FOCAD: variants seen among roughly 807,000 people sequenced by gnomAD.
FOCAD encodes the protein focadhesin, also known as KIAA1797.
FOCAD carries 198 observed loss-of-function variants against 225.6 expected under a neutral mutation model. The observed-to-expected ratio is 0.88, with a 90% CI of 0.78 to 0.99. The LOEUF (loss-of-function observed/expected upper bound fraction) is 0.99, where lower values mean the gene tolerates loss of function less well. Among genes scored for constraint, FOCAD ranks in the 50% least tolerant of loss-of-function variants. FOCAD has a pLI of 0.00. For synonymous variants in FOCAD, 897 were observed against 755.0 expected (o/e 1.19, Z -3.08); for missense variants, 2,713 against 2,123.6 (o/e 1.28, Z -5.46).
intron 15 of FOCAD, among the ~76,000 whole-genome samples, chr9:20,831,875 C>CT (rs1825528637): frequency 6.6e-6 from 1 of 152,066 alleles, no homozygotes; most frequent in South Asian, 2.1e-4. Flanking sequence ...TACCTCCCTG[C>CT]TTTAGGGAAC....
chr9:20,747,265 A>G (rs766429271), intron 5 of FOCAD, among the ~76,000 whole-genome samples: 43 of 152,146 alleles, frequency 2.8e-4, no homozygotes, highest in Non-Finnish European at 5.3e-4. Flanking sequence ...CTATCAATCA[A>G]GGATATTAAG....
chr9:20,730,699 G>T (rs1026442344), intron 4 of FOCAD, among the ~76,000 whole-genome samples: 1 of 152,072 alleles, frequency 6.6e-6, no homozygotes, highest in African/African-American at 2.4e-5. Context: ...TCTTGCCCCG[G>T]TCTTAATATT....
chr9:20,965,730 T>C (rs1416196840), intron 35 of FOCAD, among the ~76,000 whole-genome samples: 1 of 152,200 alleles, frequency 6.6e-6, no homozygotes, highest in African/African-American at 2.4e-5. Flanking sequence ...TAATTTGCTT[T>C]CTGTCTTTAT....
intron 43 of FOCAD, among the ~76,000 whole-genome samples, 189 bp from the exon 44 acceptor site, chr9:20,995,367 A>AG (rs1841978690): frequency 1.4e-5 from 1 of 71,318 alleles, no homozygotes; most frequent in African/African-American, 5.9e-5. Context: ...ACTTAAAAAA[A>AG]AAAAAAAAAA....
intron 11 of FOCAD, among the ~76,000 whole-genome samples, chr9:20,802,147 C>T (rs1487506691): frequency 6.6e-6 from 1 of 152,104 alleles, no homozygotes; most frequent in African/African-American, 2.4e-5. Flanking sequence ...TTCTACCTGG[C>T]AGGCTTATGG....
Position 20,715,371 on chromosome 9 carries a change from GA to G in FOCAD, c.22del (p.Arg8GlyfsTer22), listed in dbSNP as rs1204259650. 2.0e-6 allele frequency: 3 copies of G among 1,524,856 alleles called. No homozygotes were observed. Among genetic ancestry groups the G allele is most frequent in the South Asian group, 1.4e-5 (1 of 72,738 alleles). 94.5% of individuals were successfully genotyped at this position (1,524,856 alleles called of 1,614,324 possible). A position where few individuals can be genotyped will look rare whatever the true frequency, so the allele number is the denominator to read the frequency against. MSDDIR[K>X]RFEFPNSLIQ... ...AAGCAAAAATGTCAGATGATATCAGGAAAAGGTTTGAATTTCCAAATTCTCT... is the reference window on the plus strand; with the variant it reads ...AAGCAAAAATGTCAGATGATATCAGGAAAGGTTTGAATTTCCAAATTCTCT... On this transcript the variant is annotated frameshift_variant, in exon 2 of 44. Coordinates refer to ENST00000338382, the MANE Select transcript of FOCAD (RefSeq NM_001375567.1). LOFTEE classifies it high-confidence loss of function.
intron 35 of FOCAD, among the ~76,000 whole-genome samples, chr9:20,963,473 T>C (rs1362921877): frequency 6.6e-6 from 1 of 152,176 alleles, no homozygotes. Flanking sequence ...TCCAAAGTCT[T>C]TGTAGTGGAT....
chr9:20,960,224 G>T (rs1477832398), intron 35 of FOCAD, among the ~76,000 whole-genome samples: 1 of 152,074 alleles, frequency 6.6e-6, no homozygotes, highest in Non-Finnish European at 1.5e-5. Context: ...CTTTAATTTG[G>T]GTTTGCCTGA....
chr9:20,927,115 G>A (rs924295167), intron 26 of FOCAD, among the ~76,000 whole-genome samples: 2 of 151,932 alleles, frequency 1.3e-5, no homozygotes, highest in Non-Finnish European at 2.9e-5. Flanking sequence ...TATTTTGAGA[G>A]CTCTCTCAGT....
intron 35 of FOCAD, among the ~76,000 whole-genome samples, chr9:20,959,309 T>G (rs1838484388): frequency 6.6e-6 from 1 of 152,216 alleles, no homozygotes; most frequent in African/African-American, 2.4e-5. Context: ...TGCTGAGCAG[T>G]TTTTTCATAT....
chr9:20,902,835 G>C (rs746653584), intron 21 of FOCAD, among the ~76,000 whole-genome samples: 5 of 151,854 alleles, frequency 3.3e-5, no homozygotes, highest in Non-Finnish European at 4.4e-5. Context: ...ATATTGATGG[G>C]AACAGGAAAG....
At chr9:20,739,853 A>T (rs915009313) in intron 4 of FOCAD, among the ~76,000 whole-genome samples, 4 of 152,130 alleles carry the variant, frequency 2.6e-5, no homozygotes, top group African/African-American at 9.7e-5. Flanking sequence ...AGAGTGGCTG[A>T]TCCATTTCAT....
chr9:20,982,299 C>T (rs1170190460), intron 38 of FOCAD, 58 bp from the exon 39 acceptor site: 2 of 1,207,702 alleles, frequency 1.7e-6, no homozygotes, highest in Non-Finnish European at 2.4e-6. Context: ...TTTGTCAGAA[C>T]ATTTTGACCT....
chr9:20,853,153 AAGTG>A (rs1348610659), intron 15 of FOCAD, among the ~76,000 whole-genome samples: 2 of 151,812 alleles, frequency 1.3e-5, no homozygotes, highest in African/African-American at 4.8e-5. Flanking sequence ...CAAAACTGAA[AAGTG>A]AATGTCCCTA....
intron 26 of FOCAD, among the ~76,000 whole-genome samples, chr9:20,927,360 G>A (rs1307956456): frequency 6.6e-6 from 1 of 152,102 alleles, no homozygotes; most frequent in Non-Finnish European, 1.5e-5. Context: ...TTTTGTGACT[G>A]TTGACACTTA....
chr9:20,849,743 A>G (rs989389972), intron 15 of FOCAD, among the ~76,000 whole-genome samples: 1 of 151,938 alleles, frequency 6.6e-6, no homozygotes, highest in Non-Finnish European at 1.5e-5. Context: ...CCAGATCTTC[A>G]ACTTCACTAT....
intron 35 of FOCAD, among the ~76,000 whole-genome samples, chr9:20,967,823 C>T (rs915583514): frequency 3.3e-5 from 5 of 151,926 alleles, no homozygotes; most frequent in African/African-American, 4.8e-5. Flanking sequence ...TGGGATAAAT[C>T]GTGTTTGATC....
chr9:20,783,129 A>G (rs1180495107), intron 10 of FOCAD, among the ~76,000 whole-genome samples: 2 of 152,202 alleles, frequency 1.3e-5, no homozygotes, highest in Admixed American at 1.3e-4. Context: ...CCTTTAAATC[A>G]CAAGTGTTAT....
intron 15 of FOCAD, among the ~76,000 whole-genome samples, chr9:20,837,246 G>A (rs938847442): frequency 2.6e-5 from 4 of 152,020 alleles, no homozygotes; most frequent in African/African-American, 4.8e-5. Flanking sequence ...ATTATTAGCT[G>A]ACATGAGTAG....
Sources: gnomAD v4.1 joint callset for allele counts (sites outside exome capture counted in the v4.1 genomes callset) on GRCh38, gnomAD v4.1.1 for gene constraint, MANE v1.5 for transcripts, NCBI Gene and HGNC (gene_info 2026-07-23, HGNC 2026-07-21) for gene names.